The following UGT1A10 variants were observed in gnomAD, a reference collection of about 807,000 sequenced individuals.
UGT1A10 encodes UDP-glucuronosyltransferase 1A10.
In UGT1A10, 49 loss-of-function variants were observed where a neutral mutation model predicts 45.8. The ratio of observed to expected loss-of-function variants is 1.07; its 90% CI spans 0.85 to 1.36. The LOEUF is 1.36. UGT1A10 is among the 40% of genes most tolerant of loss of function. The probability of loss-of-function intolerance (pLI) is 0.00; values close to 1 mark genes in which losing one functional copy is unlikely to be tolerated. For missense variants in UGT1A10, 745 were observed against 668.6 expected, an observed-to-expected ratio of 1.11 and a Z score of -1.26; for synonymous variants, 284 against 249.7, an observed-to-expected ratio of 1.14 and a Z score of -1.29.
At chr2:233,729,678 C>G (rs748966468) in intron 1 of UGT1A10, 1 of 1,613,812 alleles carries the variant, frequency 6.2e-7, no homozygotes, top group Non-Finnish European at 8.5e-7. Flanking sequence ...ACTTTAAGGG[C>G]ACACAGTGTC....
rs1181793809 is a variant in UGT1A10 at position 233,637,036 on chromosome 2, A to C, written c.514A>C (p.Ile172Leu). The C allele has an allele frequency of 1.2e-6, 2 of 1,613,982 alleles. No homozygotes were observed. Among genetic ancestry groups the C allele is most frequent in the Admixed American group, 1.7e-5 (1 of 60,012 alleles). ...SLPSVVFTRG[I>L]FCHHLEEGAQ... is the part of the protein sequence containing the mutation. ...CCCCTCTGTGGTCTTCACCAGGGGA[A>C]TATTTTGCCACCATCTTGAAGAAGG... The change falls in exon 1 of 5, where the codon ATA becomes CTA. Residue 172 changes from isoleucine (I) to leucine (L), a missense_variant. By Grantham distance (5) the Ile-to-Leu change is conservative. Transcript: ENST00000344644.
chr2:233,728,302 T>C (rs2077696881), intron 1 of UGT1A10, among the ~76,000 whole-genome samples: 1 of 152,178 alleles, frequency 6.6e-6, no homozygotes, highest in Non-Finnish European at 1.5e-5. Context: ...ATTCAGACTG[T>C]GCAAGATCTG....
chr2:233,681,989 C>T, intron 1 of UGT1A10: 1 of 1,614,168 alleles, frequency 6.2e-7, no homozygotes, highest in Non-Finnish European at 8.5e-7. Context: ...GTGTCTACTG[C>T]TGACCTGTGG....
At chr2:233,698,869 C>T (rs746401126) in intron 1 of UGT1A10, among the ~76,000 whole-genome samples, 4 of 152,218 alleles carry the variant, frequency 2.6e-5, no homozygotes, top group Admixed American at 1.3e-4. Context: ...TGTGACTTTG[C>T]GACTTTGACC....
At chr2:233,672,237 A>G in intron 1 of UGT1A10, 4 of 1,614,014 alleles carry the variant, frequency 2.5e-6, no homozygotes, top group Non-Finnish European at 3.4e-6. Context: ...GGAAAGCACA[A>G]GTACGAAGTA....
At chr2:233,674,110 C>A (rs1172511000) in intron 1 of UGT1A10, among the ~76,000 whole-genome samples, 1 of 152,074 alleles carries the variant, frequency 6.6e-6, no homozygotes, top group Non-Finnish European at 1.5e-5. Flanking sequence ...ATGGAGTATA[C>A]AATTTATCTA....
At chr2:233,755,761 TG>T (rs1696013090) in intron 1 of UGT1A10, 1 of 152,946 alleles carries the variant, frequency 6.5e-6, no homozygotes, top group South Asian at 2.1e-4. Flanking sequence ...CATTTGCTTT[TG>T]TTCATCTGGA....
chr2:233,761,198 T>G (rs1477470305), intron 1 of UGT1A10: 1 of 1,614,016 alleles, frequency 6.2e-7, no homozygotes, highest in African/African-American at 1.3e-5. Context: ...CTTTCAGATG[T>G]ATTACTTTGG....
At chr2:233,657,802 T>C (rs1013582506) in intron 1 of UGT1A10, among the ~76,000 whole-genome samples, 22 of 152,220 alleles carry the variant, frequency 1.4e-4, no homozygotes, top group Non-Finnish European at 1.5e-5. Flanking sequence ...GTATATGTTC[T>C]TTGGTAAATG....
intron 1 of UGT1A10, among the ~76,000 whole-genome samples, chr2:233,766,453 G>C (rs1699157656): frequency 6.6e-6 from 1 of 152,214 alleles, no homozygotes; most frequent in Non-Finnish European, 1.5e-5. Context: ...TGCCTGCTAG[G>C]GTCTTGGGGT....
chr2:233,712,086 T>A (rs2076214187), intron 1 of UGT1A10, among the ~76,000 whole-genome samples: 1 of 152,220 alleles, frequency 6.6e-6, no homozygotes, highest in Admixed American at 6.5e-5. Flanking sequence ...AAGGCCTGGA[T>A]GAATGGACAC....
intron 1 of UGT1A10, chr2:233,672,174 A>G (rs773426393): frequency 6.2e-7 from 1 of 1,614,210 alleles, no homozygotes; most frequent in Admixed American, 1.7e-5. Context: ...ATTCAACTTC[A>G]TATACCCTGG....
intron 1 of UGT1A10, among the ~76,000 whole-genome samples, chr2:233,715,876 T>C (rs1472420308): frequency 6.6e-6 from 1 of 152,230 alleles, no homozygotes; most frequent in Non-Finnish European, 1.5e-5. Context: ...CTTGTGCCTG[T>C]GGCCCCAGCT....
chr2:233,759,924 C>T (rs887829), intron 1 of UGT1A10, among the ~76,000 whole-genome samples: 54,890 of 151,920 alleles, frequency 0.36, 10,314 homozygotes, highest in African/African-American at 0.45. Context: ...TGTTTAATTT[C>T]TGGAAAAGAA....
chr2:233,760,189 G>A lies in UGT1A10; in HGVS notation c.856-6845G>A, dbSNP rs774584406. On this transcript the variant is annotated intron_variant, in intron 1 of 4. Transcript: ENST00000344644. ...TGGACTGACAGCTTTTTATAGTCACGTGACACAGTCAAACATTAACTTGGT... is the reference window on the plus strand; with the variant it reads ...TGGACTGACAGCTTTTTATAGTCACATGACACAGTCAAACATTAACTTGGT... 2.2e-5 allele frequency: 35 copies of A among 1,566,148 alleles called. No individual in the cohort carries two copies. In the South Asian group the frequency reaches 3.1e-4, roughly 14 times the overall value.
At chr2:233,728,832 C>T (rs2077754724) in intron 1 of UGT1A10, among the ~76,000 whole-genome samples, 1 of 152,118 alleles carries the variant, frequency 6.6e-6, no homozygotes, top group African/African-American at 2.4e-5. Flanking sequence ...GTGTTCACAG[C>T]CTTGTGTTGG....
At chr2:233,738,294 G>T (rs1255445696) in intron 1 of UGT1A10, among the ~76,000 whole-genome samples, 4 of 152,100 alleles carry the variant, frequency 2.6e-5, no homozygotes, top group Non-Finnish European at 4.4e-5. Flanking sequence ...CCCAGTCTTG[G>T]GTATGTCTTT....
In UGT1A10 at chr2:233,636,929, A is replaced by G. The variant is rs770761874; in HGVS notation, c.407A>G (p.Tyr136Cys). The change falls in exon 1 of 5, where the codon TAC (tyrosine) becomes TGC (cysteine). Residue 136 changes from tyrosine (Y) to cysteine (C), a missense_variant. Tyr to Cys is a radical substitution (Grantham distance 194, BLOSUM62 -2). Coordinates refer to ENST00000344644, the MANE Select transcript of UGT1A10 (RefSeq NM_019075.4). Reference protein sequence around the residue: ...SLFNDRKLVEYLKESSFDAVF... With the variant: ...SLFNDRKLVECLKESSFDAVF... ...TTTAATGACCGAAAATTAGTAGAAT[A>G]CTTAAAGGAGAGTTCTTTTGATGCA... The G allele has an allele frequency of 3.7e-6, 6 of 1,614,140 alleles. No homozygotes were observed. The South Asian group carries it at 6.6e-5, about 18-fold the overall frequency.
At chr2:233,720,316 G>A (rs1418741193) in intron 1 of UGT1A10, among the ~76,000 whole-genome samples, 1 of 152,090 alleles carries the variant, frequency 6.6e-6, no homozygotes, top group Admixed American at 6.5e-5. Context: ...TGTATGATGT[G>A]GGGACATCGT....
Sources: gnomAD v4.1 joint callset for allele counts (sites outside exome capture counted in the v4.1 genomes callset) on GRCh38, gnomAD v4.1.1 for gene constraint, MANE v1.5 for transcripts, NCBI Gene and HGNC (gene_info 2026-07-23, HGNC 2026-07-21) for gene names.